The following RGS7 variants were observed in gnomAD, a reference collection of about 807,000 sequenced individuals.
The protein encoded by RGS7 is regulator of G protein signaling 7.
RGS7 carries 27 observed loss-of-function variants against 81.1 expected under a neutral mutation model. The ratio of observed to expected loss-of-function variants is 0.33; its 90% CI spans 0.25 to 0.46. The LOEUF is 0.46. Among genes scored for constraint, RGS7 ranks in the 20% least tolerant of loss-of-function variants. RGS7 has a pLI of 1.00. For missense variants in RGS7, 396 were observed against 607.4 expected (o/e 0.65, Z 3.66); for synonymous variants, 208 against 207.7 (o/e 1.00, Z -0.01).
At chr1:241,212,973 GT>G (rs2074333547) in intron 2 of RGS7, among the ~76,000 whole-genome samples, 1 of 152,138 alleles carries the variant, frequency 6.6e-6, no homozygotes, top group South Asian at 2.1e-4. Context: ...ATCAATCTGA[GT>G]GTCCTTGTGC....
intron 17 of RGS7, among the ~76,000 whole-genome samples, chr1:240,801,156 G>C (rs1000081727): frequency 2.0e-5 from 3 of 151,772 alleles, no homozygotes; most frequent in African/African-American, 7.3e-5. Context: ...GGAATACAAG[G>C]AATAAAAATA....
At chr1:241,204,752 C>T (rs1300533739) in intron 2 of RGS7, among the ~76,000 whole-genome samples, 2 of 151,218 alleles carry the variant, frequency 1.3e-5, no homozygotes, top group East Asian at 1.9e-4. Context: ...AATGATGGCA[C>T]ACTCTGGGGT....
intron 2 of RGS7, among the ~76,000 whole-genome samples, chr1:241,212,386 G>C (rs929647106): frequency 1.3e-4 from 20 of 152,278 alleles, no homozygotes; most frequent in African/African-American, 4.6e-4. Flanking sequence ...CAAGCTTAAA[G>C]GGCCTTGTGC....
intron 2 of RGS7, among the ~76,000 whole-genome samples, chr1:241,294,288 CG>C (rs2079262678): frequency 6.7e-6 from 1 of 149,290 alleles, no homozygotes; most frequent in African/African-American, 2.5e-5. Flanking sequence ...TGGGACCTGT[CG>C]GGGGTGGGGG....
chr1:241,306,645 C>A (rs1420018900), intron 2 of RGS7, among the ~76,000 whole-genome samples: 1 of 141,750 alleles, frequency 7.1e-6, no homozygotes, highest in Non-Finnish European at 1.6e-5. Flanking sequence ...TGCACGTACC[C>A]TTTCACACAC....
chr1:241,122,916 G>A (rs1359360394), intron 2 of RGS7, among the ~76,000 whole-genome samples: 2 of 152,138 alleles, frequency 1.3e-5, no homozygotes, highest in Non-Finnish European at 2.9e-5. Flanking sequence ...TTCACACCAC[G>A]GTATAGTTGA....
At chr1:241,147,780 T>TTTATATATATATA (rs1428939736) in intron 2 of RGS7, among the ~76,000 whole-genome samples, 1 of 44,646 alleles carries the variant, frequency 2.2e-5, no homozygotes, top group Non-Finnish European at 4.5e-5. Context: ...AGATTAAGTT[T>TTTATATATATATA]TATATATATA....
intron 2 of RGS7, among the ~76,000 whole-genome samples, chr1:241,189,656 A>G (rs556485849): frequency 6.6e-6 from 1 of 152,310 alleles, no homozygotes; most frequent in South Asian, 2.1e-4. Context: ...TTTACATTTT[A>G]CATTTAAGTC....
chr1:241,206,000 T>G, intron 2 of RGS7, among the ~76,000 whole-genome samples: 1 of 119,550 alleles, frequency 8.4e-6, no homozygotes, highest in East Asian at 2.4e-4. Context: ...TTCGTAAGTG[T>G]TTTTTTTTTT....
At chr1:240,985,068 A>G (rs1180028529) in intron 3 of RGS7, among the ~76,000 whole-genome samples, 1 of 152,232 alleles carries the variant, frequency 6.6e-6, no homozygotes, top group Non-Finnish European at 1.5e-5. Flanking sequence ...ATTCTCCAGA[A>G]GGCAGTTGAC....
chr1:241,247,762 A>T (rs183521378), intron 2 of RGS7, among the ~76,000 whole-genome samples: 20 of 152,360 alleles, frequency 1.3e-4, no homozygotes, highest in Non-Finnish European at 2.1e-4. Context: ...GATTAAGAAA[A>T]TAATTATAAG....
intron 3 of RGS7, among the ~76,000 whole-genome samples, chr1:241,097,815 G>A (rs1015431589): frequency 6.6e-6 from 1 of 152,058 alleles, no homozygotes; most frequent in Non-Finnish European, 1.5e-5. Flanking sequence ...TCAAACCCGC[G>A]GGGGTTCCTC....
chr1:240,798,288 C>CCAGA (rs1191816667), intron 18 of RGS7, among the ~76,000 whole-genome samples: 4 of 152,236 alleles, frequency 2.6e-5, no homozygotes, highest in Non-Finnish European at 5.9e-5. Flanking sequence ...ATTTATGAAT[C>CCAGA]TGGGTAACTA....
intron 6 of RGS7, among the ~76,000 whole-genome samples, chr1:240,895,339 G>T (rs1465306835): frequency 6.6e-6 from 1 of 151,388 alleles, no homozygotes; most frequent in Non-Finnish European, 1.5e-5. Context: ...TGCACAATGT[G>T]CAGGTTTGTT....
intron 6 of RGS7, among the ~76,000 whole-genome samples, chr1:240,904,190 T>G (rs138736618): frequency 1.1e-4 from 16 of 152,256 alleles, no homozygotes; most frequent in African/African-American, 3.9e-4. Flanking sequence ...AGAGTCAGGA[T>G]GGAGAAAAGA....
At chr1:241,274,012 T>C (rs1053506635) in intron 2 of RGS7, among the ~76,000 whole-genome samples, 2 of 152,176 alleles carry the variant, frequency 1.3e-5, no homozygotes, top group Admixed American at 6.5e-5. Context: ...CCACCAAGAA[T>C]AAAAGCAACT....
intron 6 of RGS7, among the ~76,000 whole-genome samples, chr1:240,924,674 G>A (rs763932677): frequency 6.6e-6 from 1 of 151,950 alleles, no homozygotes; most frequent in East Asian, 1.9e-4. Flanking sequence ...AATTAATGTG[G>A]TTACCATGAT....
At chr1:240,999,274 CA>C (rs1245921508) in intron 3 of RGS7, among the ~76,000 whole-genome samples, 5 of 151,546 alleles carry the variant, frequency 3.3e-5, no homozygotes, top group Admixed American at 1.3e-4. Context: ...TATCATAGAT[CA>C]GGGGTGTCCA....
intron 3 of RGS7, among the ~76,000 whole-genome samples, chr1:241,002,366 T>G (rs1003222098): frequency 7.3e-5 from 11 of 151,498 alleles, no homozygotes; most frequent in Admixed American, 2.6e-4. Context: ...GGCATGGGAA[T>G]GGCTTGAACC....
Sources: gnomAD v4.1 joint callset for allele counts (sites outside exome capture counted in the v4.1 genomes callset) on GRCh38, gnomAD v4.1.1 for gene constraint, MANE v1.5 for transcripts, NCBI Gene and HGNC (gene_info 2026-07-23, HGNC 2026-07-21) for gene names.